LRMDA: variants seen among roughly 807,000 people sequenced by gnomAD.
The protein encoded by LRMDA is leucine rich melanocyte differentiation associated, also known as leucine-rich melanocyte differentiation-associated protein.
Under a neutral mutation model 29.8 loss-of-function variants are expected in LRMDA, and 18 were observed. The observed-to-expected ratio is 0.60, with a 90% confidence interval of 0.42 to 0.90. The LOEUF (loss-of-function observed/expected upper bound fraction) is 0.90. Among genes scored for constraint, LRMDA ranks in the 40% least tolerant of loss-of-function variants. LRMDA has a pLI of 0.00. For missense variants in LRMDA, 273 were observed against 273.9 expected (o/e 1.00, Z 0.02); for synonymous variants, 125 against 109.4 (o/e 1.14, Z -0.89).
At chr10:76,427,161 G>A (rs1176234038) in intron 6 of LRMDA, among the ~76,000 whole-genome samples, 1 of 151,972 alleles carries the variant, frequency 6.6e-6, no homozygotes, top group Non-Finnish European at 1.5e-5. Flanking sequence ...GTAGCTTGAT[G>A]GGGATGGCAT....
At chr10:76,208,778 T>C (rs931816454) in intron 5 of LRMDA, among the ~76,000 whole-genome samples, 7 of 152,032 alleles carry the variant, frequency 4.6e-5, no homozygotes, top group Non-Finnish European at 8.8e-5. Flanking sequence ...ATCCCATATT[T>C]TTCCCAGGCC....
chr10:76,190,736 G>A (rs1005004986), intron 5 of LRMDA, among the ~76,000 whole-genome samples: 1 of 152,282 alleles, frequency 6.6e-6, no homozygotes, highest in Non-Finnish European at 1.5e-5. Flanking sequence ...GGGAAAGAGG[G>A]TATTTTGCAC....
intron 6 of LRMDA, among the ~76,000 whole-genome samples, chr10:76,354,279 G>A (rs1841213132): frequency 1.3e-5 from 2 of 152,200 alleles, no homozygotes; most frequent in African/African-American, 4.8e-5. Flanking sequence ...ATTGTGATAT[G>A]GAGGCTGAAC....
chr10:75,738,754 C>T (rs1183512331), intron 2 of LRMDA, among the ~76,000 whole-genome samples: 1 of 152,122 alleles, frequency 6.6e-6, no homozygotes, highest in Non-Finnish European at 1.5e-5. Context: ...TAAGGAGGCA[C>T]TGTGGGAGCA....
chr10:75,567,043 T>C (rs1479434507), intron 2 of LRMDA, among the ~76,000 whole-genome samples: 2 of 152,224 alleles, frequency 1.3e-5, no homozygotes, highest in Admixed American at 6.5e-5. Context: ...ATTTACTATT[T>C]ATCAAGTTAC....
chr10:75,671,299 C>T (rs1056340753), intron 2 of LRMDA, among the ~76,000 whole-genome samples: 17 of 152,188 alleles, frequency 1.1e-4, no homozygotes, highest in African/African-American at 3.9e-4. Flanking sequence ...CAGGACTGTA[C>T]TGCTGCCTGG....
chr10:76,120,758 G>T (rs2132124150), intron 5 of LRMDA, among the ~76,000 whole-genome samples: 1 of 151,992 alleles, frequency 6.6e-6, no homozygotes, highest in African/African-American at 2.4e-5. Context: ...ATAGCTTTAT[G>T]TGAGTGAGGT....
intron 2 of LRMDA, among the ~76,000 whole-genome samples, chr10:75,647,249 C>T (rs529040074): frequency 6.6e-6 from 1 of 152,098 alleles, no homozygotes; most frequent in East Asian, 1.9e-4. Flanking sequence ...CAACCATGTC[C>T]AATTTTTTTT....
chr10:76,349,462 A>G (rs1230962395), intron 6 of LRMDA, among the ~76,000 whole-genome samples: 4 of 152,202 alleles, frequency 2.6e-5, no homozygotes, highest in Non-Finnish European at 4.4e-5. Context: ...ACTCACATAC[A>G]TACATATATA....
intron 6 of LRMDA, among the ~76,000 whole-genome samples, chr10:76,468,431 G>A (rs904213548): frequency 6.6e-6 from 1 of 152,066 alleles, no homozygotes; most frequent in African/African-American, 2.4e-5. Flanking sequence ...ACCCCTTTAG[G>A]GGGAGTGTTG....
intron 2 of LRMDA, among the ~76,000 whole-genome samples, chr10:75,720,277 G>A (rs995275565): frequency 7.2e-5 from 11 of 152,292 alleles, no homozygotes; most frequent in African/African-American, 2.4e-4. Context: ...AGGAGGCATC[G>A]TGGCATTACG....
rs562183273 is a variant in LRMDA at position 76,305,618 on chromosome 10, T to G, written c.517-18783T>G. ...TAGAAAATAAACTTAAATTTTGCATTTCCTTTGGCTTCAGGGAGAATAAGG... is the reference window on the plus strand; with the variant it reads ...TAGAAAATAAACTTAAATTTTGCATGTCCTTTGGCTTCAGGGAGAATAAGG... On this transcript the variant is annotated intron_variant, in intron 5 of 6. Transcript: ENST00000611255. Among the ~76,000 whole-genome samples, 12 of 152,294 alleles carry G rather than the reference T, an allele frequency of 7.9e-5. No homozygotes were observed. In the East Asian group the frequency reaches 2.1e-3, roughly 27 times the overall value.
chr10:76,548,254 C>A (rs1843445540), intron 6 of LRMDA, among the ~76,000 whole-genome samples: 1 of 152,080 alleles, frequency 6.6e-6, no homozygotes, highest in Admixed American at 6.5e-5. Context: ...AAATGAGGTT[C>A]TTTAAATTCT....
At chr10:75,618,570 C>A (rs1177492156) in intron 2 of LRMDA, among the ~76,000 whole-genome samples, 1 of 147,616 alleles carries the variant, frequency 6.8e-6, no homozygotes, top group East Asian at 2.0e-4. Flanking sequence ...GCACTGACTC[C>A]CCTGTGTAGT....
chr10:76,137,347 G>A (rs534748641), intron 5 of LRMDA, among the ~76,000 whole-genome samples: 1 of 152,302 alleles, frequency 6.6e-6, no homozygotes, highest in Non-Finnish European at 1.5e-5. Flanking sequence ...GCTGTAAACA[G>A]TGTTGAATAA....
intron 2 of LRMDA, among the ~76,000 whole-genome samples, chr10:75,449,702 G>A (rs748540388): frequency 1.3e-5 from 2 of 152,128 alleles, no homozygotes; most frequent in Non-Finnish European, 2.9e-5. Context: ...TGGCGAGGCA[G>A]GACCTCATGA....
chr10:75,748,184 C>T (rs898008275), intron 2 of LRMDA, among the ~76,000 whole-genome samples: 12 of 152,110 alleles, frequency 7.9e-5, no homozygotes, highest in African/African-American at 2.9e-4. Context: ...ACCTCTGCCT[C>T]CCAGGTTCAA....
At chr10:76,234,611 C>T (rs965215059) in intron 5 of LRMDA, among the ~76,000 whole-genome samples, 3 of 152,186 alleles carry the variant, frequency 2.0e-5, no homozygotes, top group African/African-American at 7.2e-5. Flanking sequence ...TTAGTGTAGT[C>T]ACCTTCATCA....
intron 2 of LRMDA, among the ~76,000 whole-genome samples, chr10:75,460,469 G>A (rs1400502930): frequency 6.6e-6 from 1 of 152,162 alleles, no homozygotes; most frequent in East Asian, 1.9e-4. Context: ...TTTAATGAAG[G>A]AAATTTGGGG....
Sources: allele counts gnomAD v4.1 joint callset (sites outside exome capture counted in the v4.1 genomes callset), GRCh38; gene constraint gnomAD v4.1.1; transcripts MANE v1.5; gene names NCBI Gene and HGNC (gene_info 2026-07-23, HGNC 2026-07-21).